Variants in FGF1 observed in about 807,000 individuals in gnomAD.
FGF1 encodes the protein beta-endothelial cell growth factor.
Under a neutral mutation model 13.4 loss-of-function variants are expected in FGF1, and 9 were observed. The ratio of observed to expected loss-of-function variants is 0.67; its 90% CI spans 0.40 to 1.17. FGF1 has a LOEUF of 1.17. Ranked by LOEUF, FGF1 falls within the 50% of genes most tolerant of loss-of-function variation. The pLI, the probability that FGF1 is intolerant of heterozygous loss-of-function variation, is 0.01. For synonymous variants in FGF1, 93 were observed against 79.0 expected, an observed-to-expected ratio of 1.18 and a Z score of -0.94; for missense variants, 156 against 192.7, an observed-to-expected ratio of 0.81 and a Z score of 1.13.
intron 1 of FGF1, among the ~76,000 whole-genome samples, chr5:142,684,819 C>G (rs980097938): frequency 6.6e-6 from 1 of 152,212 alleles, no homozygotes; most frequent in Non-Finnish European, 1.5e-5. Context: ...CAGCCTGGCT[C>G]GCCCTCAGCC....
chr5:142,651,792 A>T (rs995417804), intron 1 of FGF1, among the ~76,000 whole-genome samples: 1 of 151,324 alleles, frequency 6.6e-6, no homozygotes, highest in Non-Finnish European at 1.5e-5. Flanking sequence ...ATATGCCTTT[A>T]AAATTCCTCC....
chr5:142,631,291 A>T (rs1053670640), intron 1 of FGF1, among the ~76,000 whole-genome samples: 1 of 152,202 alleles, frequency 6.6e-6, no homozygotes, highest in Admixed American at 6.5e-5. Context: ...CCTATCACCA[A>T]CATCCTCCTG....
chr5:142,626,417 T>C lies in FGF1; in HGVS notation c.-34-12256A>G, dbSNP rs1762457603. On this transcript the variant is annotated intron_variant, in intron 1 of 3. Transcript: ENST00000337706. Reference sequence around the variant, plus strand: ...GTAATGGCAAAAGCGCAATTACTTTTGCACCAACCTAAAACGTGTTGGAGC... The same window carrying C: ...GTAATGGCAAAAGCGCAATTACTTTCGCACCAACCTAAAACGTGTTGGAGC... Among the ~76,000 whole-genome samples, 2 of 152,216 alleles carry C rather than the reference T, an allele frequency of 1.3e-5. 1 individual carries two copies. Among genetic ancestry groups the C allele is most frequent in the South Asian group, 4.1e-4 (2 of 4,824 alleles).
At chr5:142,655,505 C>T (rs941534940) in intron 1 of FGF1, among the ~76,000 whole-genome samples, 4 of 152,202 alleles carry the variant, frequency 2.6e-5, no homozygotes, top group African/African-American at 9.6e-5. Flanking sequence ...GACACATAGA[C>T]CTGCTTGCTG....
rs1318989845 is a variant in FGF1 at position 142,639,789 on chromosome 5, A to T, written c.-34-25628T>A. On this transcript the variant is annotated intron_variant, in intron 1 of 3. Coordinates refer to ENST00000337706, the MANE Select transcript of FGF1 (RefSeq NM_000800.5). Reference sequence around the variant, plus strand: ...TATGTTAACCAGCTTGATCATAGTAATCATTTCACAATGGACACATAGATC... The same window carrying T: ...TATGTTAACCAGCTTGATCATAGTATTCATTTCACAATGGACACATAGATC... 8.6e-5 allele frequency among the ~76,000 whole-genome samples: 13 copies of T among 152,012 alleles called. 1 individual carries two copies. The highest frequency in any genetic ancestry group is 8.5e-4 in the Admixed American group (13 of 15,272).
At chr5:142,650,755 T>C (rs918723988) in intron 1 of FGF1, among the ~76,000 whole-genome samples, 1 of 152,038 alleles carries the variant, frequency 6.6e-6, no homozygotes, top group African/African-American at 2.4e-5. Flanking sequence ...GATATTGCTG[T>C]AGTATTAATT....
At chr5:142,674,956 G>A (rs146992117) in intron 1 of FGF1, among the ~76,000 whole-genome samples, 96 of 152,238 alleles carry the variant, frequency 6.3e-4, no homozygotes, top group African/African-American at 2.3e-3. Context: ...CCCATCCAGC[G>A]TGGGAGCCGA....
At position 142,592,439 on chromosome 5, in the gene FGF1, T is replaced by C. The variant is rs1416613430; in HGVS notation, c.*2851A>G. 2 of 398,458 alleles carry C rather than the reference T, an allele frequency of 5.0e-6. No homozygotes were observed. Among genetic ancestry groups the C allele is most frequent in the Non-Finnish European group, 8.8e-6 (2 of 226,030 alleles). The allele number at this position is 398,458 out of a possible 1,614,324, so 24.7% of individuals were successfully genotyped here. ...ACTGTTGGCCATTGTGAATCTTTCT[T>C]ATCATGCCTTCCAAGGAAACCAATA... On this transcript the variant is annotated 3_prime_UTR_variant, in exon 4 of 4. Coordinates refer to ENST00000337706, the MANE Select transcript of FGF1 (RefSeq NM_000800.5).
intron 1 of FGF1, among the ~76,000 whole-genome samples, chr5:142,626,264 A>G (rs1258892256): frequency 6.6e-6 from 1 of 152,210 alleles, no homozygotes; most frequent in Non-Finnish European, 1.5e-5. Context: ...AAGTTTAATT[A>G]ACAGAAAAGG....
chr5:142,658,636 T>TAA (rs2151992945), intron 1 of FGF1, among the ~76,000 whole-genome samples: 1 of 152,318 alleles, frequency 6.6e-6, no homozygotes, highest in South Asian at 2.1e-4. Flanking sequence ...ACTCACGAGT[T>TAA]AAAGGACAAA....
intron 1 of FGF1, among the ~76,000 whole-genome samples, chr5:142,629,524 G>C (rs1762989445): frequency 6.6e-6 from 1 of 152,022 alleles, no homozygotes; most frequent in South Asian, 2.1e-4. Context: ...AAATCTAATT[G>C]CGTTAGGCCC....
At chr5:142,595,744 A>T (rs1216196905) in intron 3 of FGF1, among the ~76,000 whole-genome samples, 1 of 152,196 alleles carries the variant, frequency 6.6e-6, no homozygotes, top group East Asian at 1.9e-4. Context: ...TCCATTGTAA[A>T]GTAATTAAGA....
chr5:142,650,367 G>A (rs1025127864), intron 1 of FGF1, among the ~76,000 whole-genome samples: 1 of 152,176 alleles, frequency 6.6e-6, no homozygotes, highest in Admixed American at 6.5e-5. Context: ...AGTTTAAAAC[G>A]AGGTCTGTGA....
chr5:142,625,313 GACACACACACAC>G (rs59813387), intron 1 of FGF1, among the ~76,000 whole-genome samples: 6,623 of 148,382 alleles, frequency 0.045, 192 homozygotes, highest in Middle Eastern at 0.08. Flanking sequence ...ACTACAAGCG[GACACACACACAC>G]ACACACACAC....
intron 1 of FGF1, among the ~76,000 whole-genome samples, chr5:142,655,831 A>T (rs889048466): frequency 1.3e-5 from 2 of 152,204 alleles, no homozygotes; most frequent in Non-Finnish European, 2.9e-5. Context: ...TGTGGGCGGG[A>T]GCCAGGCTGG....
intron 1 of FGF1, among the ~76,000 whole-genome samples, chr5:142,682,147 G>A (rs1246889113): frequency 6.6e-6 from 1 of 151,320 alleles, no homozygotes; most frequent in Middle Eastern, 3.2e-3. Flanking sequence ...GCGCAATGGC[G>A]CGATCTCGGC....
At chr5:142,645,549 T>C (rs1014207145) in intron 1 of FGF1, among the ~76,000 whole-genome samples, 1 of 152,148 alleles carries the variant, frequency 6.6e-6, no homozygotes, top group Non-Finnish European at 1.5e-5. Flanking sequence ...CTCAAGTTCC[T>C]CATCTGTAAA....
chr5:142,650,222 C>CT (rs1766983681), intron 1 of FGF1, among the ~76,000 whole-genome samples: 1 of 152,174 alleles, frequency 6.6e-6, no homozygotes, highest in Admixed American at 6.5e-5. Context: ...ACTGACTGCT[C>CT]TTCTATGCCA....
chr5:142,641,440 A>G (rs1765187423), intron 1 of FGF1, among the ~76,000 whole-genome samples: 1 of 152,026 alleles, frequency 6.6e-6, no homozygotes, highest in African/African-American at 2.4e-5. Context: ...TAATCTAAAT[A>G]TATACAGCTA....
Sources: gnomAD v4.1 joint callset for allele counts (sites outside exome capture counted in the v4.1 genomes callset) on GRCh38, gnomAD v4.1.1 for gene constraint, MANE v1.5 for transcripts, NCBI Gene and HGNC (gene_info 2026-07-23, HGNC 2026-07-21) for gene names.